Variants in IMMP1L observed in about 807,000 individuals in gnomAD.
IMMP1L encodes mitochondrial inner membrane protease subunit 1.
In IMMP1L, 24 loss-of-function variants were observed where a neutral mutation model predicts 21.8. The observed-to-expected ratio is 1.10, with a 90% CI of 0.80 to 1.55. IMMP1L has a LOEUF of 1.55. IMMP1L is among the 40% of genes most tolerant of loss of function. IMMP1L has a pLI of 0.00. For missense variants in IMMP1L, 195 were observed against 200.7 expected (o/e 0.97, Z 0.17); for synonymous variants, 46 against 62.8 (o/e 0.73, Z 1.26).
chr11:31,457,571 A>T (rs912673381), intron 3 of IMMP1L, among the ~76,000 whole-genome samples: 15 of 152,226 alleles, frequency 9.9e-5, no homozygotes, highest in African/African-American at 3.6e-4. Context: ...GAAATCAGAA[A>T]CCTAATAACT....
intron 1 of IMMP1L, among the ~76,000 whole-genome samples, chr11:31,493,023 C>T (rs1955308324): frequency 6.6e-6 from 1 of 152,096 alleles, no homozygotes; most frequent in Non-Finnish European, 1.5e-5. Flanking sequence ...GCAGGGTTGT[C>T]ACAAATCTTC....
At chr11:31,438,307 C>T (rs1045188920) in intron 4 of IMMP1L, among the ~76,000 whole-genome samples, 1 of 152,148 alleles carries the variant, frequency 6.6e-6, no homozygotes, top group East Asian at 1.9e-4. Flanking sequence ...CTGATGAAAG[C>T]ATTTTTCCAT....
At chr11:31,507,953 C>A (rs1396706410) in intron 1 of IMMP1L, among the ~76,000 whole-genome samples, 1 of 151,556 alleles carries the variant, frequency 6.6e-6, no homozygotes, top group Non-Finnish European at 1.5e-5. Flanking sequence ...TGCCATCTGT[C>A]AAAAAATAAT....
chr11:31,483,013 G>A (rs1048155558), intron 1 of IMMP1L, among the ~76,000 whole-genome samples: 1 of 151,884 alleles, frequency 6.6e-6, no homozygotes, highest in African/African-American at 2.4e-5. Context: ...CAACTATATA[G>A]ATAAATCTTA....
chr11:31,503,867 T>C (rs892617848), intron 1 of IMMP1L, among the ~76,000 whole-genome samples: 1 of 152,218 alleles, frequency 6.6e-6, no homozygotes, highest in Admixed American at 6.5e-5. Context: ...AAAGCCAGCC[T>C]TCTGAAGAAC....
At chr11:31,500,448 G>A (rs1377621729) in intron 1 of IMMP1L, among the ~76,000 whole-genome samples, 1 of 152,060 alleles carries the variant, frequency 6.6e-6, no homozygotes, top group African/African-American at 2.4e-5. Context: ...TAAAATATAT[G>A]CCTGTCTGCC....
chr11:31,480,316 G>T (rs186562735), intron 1 of IMMP1L, among the ~76,000 whole-genome samples: 16 of 152,044 alleles, frequency 1.1e-4, no homozygotes, highest in South Asian at 4.1e-4. Context: ...TTAGTAGGCT[G>T]CTTTTCTATT....
At chr11:31,469,312 T>A (rs531334124) in intron 1 of IMMP1L, among the ~76,000 whole-genome samples, 1 of 152,002 alleles carries the variant, frequency 6.6e-6, no homozygotes, top group South Asian at 2.1e-4. Flanking sequence ...ATTCAGGTAT[T>A]GCACTTAACA....
At chr11:31,504,999 T>C (rs2133838989) in intron 1 of IMMP1L, among the ~76,000 whole-genome samples, 1 of 152,272 alleles carries the variant, frequency 6.6e-6, no homozygotes. Flanking sequence ...ATGACCTTAG[T>C]ATTCATTCCT....
chr11:31,500,476 A>G (rs551756515), intron 1 of IMMP1L, among the ~76,000 whole-genome samples: 5 of 152,204 alleles, frequency 3.3e-5, no homozygotes, highest in Admixed American at 2.6e-4. Flanking sequence ...TCTCCCATTC[A>G]GAAAAAATAG....
chr11:31,459,880 G>A (rs898138665), intron 3 of IMMP1L, among the ~76,000 whole-genome samples: 1 of 152,120 alleles, frequency 6.6e-6, no homozygotes, highest in Admixed American at 6.6e-5. Context: ...AAATGGGCTG[G>A]GCACGGTGGC....
rs202164021 is a variant in IMMP1L at position 31,496,116 on chromosome 11, C to CA, written c.-30+13402dup. Among the ~76,000 whole-genome samples, 670 of 88,432 alleles carry CA rather than the reference C, an allele frequency of 7.6e-3. 3 individuals carry two copies. Among genetic ancestry groups the CA allele is most frequent in the South Asian group, 0.018 (53 of 2,990 alleles). 58.0% of individuals were successfully genotyped at this position (88,432 alleles called of 152,430 possible). The stretch of plus-strand genomic sequence containing the variant: ...AGAACTCCTATAACTCAAAAACCCG[C>CA]AAAAAAAAAAAAAACAAAGCCATTA... On this transcript the variant is annotated intron_variant, in intron 1 of 5. Transcript: ENST00000532287.
At chr11:31,502,504 A>C (rs1459747534) in intron 1 of IMMP1L, among the ~76,000 whole-genome samples, 1 of 152,198 alleles carries the variant, frequency 6.6e-6, no homozygotes, top group Non-Finnish European at 1.5e-5. Flanking sequence ...TTTAGAGAGG[A>C]GCTTCAGGAG....
rs975532926 is a variant in IMMP1L, at chr11:31,433,966, C to T, written c.322-396G>A. On this transcript the variant is annotated intron_variant, in intron 4 of 5. Coordinates refer to ENST00000532287, the MANE Select transcript of IMMP1L (RefSeq NM_001304274.2). ...AGTATAAGCAGGGCAGCCACTCACT[C>T]AGCAACATCCTGGGGCCAATACCAA... 7.9e-5 allele frequency among the ~76,000 whole-genome samples: 12 copies of T among 152,156 alleles called. 1 individual carries two copies. Among genetic ancestry groups the T allele is most frequent in the Admixed American group, 7.9e-4 (12 of 15,280 alleles).
chr11:31,506,658 T>TA (rs775050688), intron 1 of IMMP1L, among the ~76,000 whole-genome samples: 3,833 of 125,204 alleles, frequency 0.031, 64 homozygotes, highest in East Asian at 0.088. Context: ...TTATCTTTGT[T>TA]AAAAAAAAAA....
intron 1 of IMMP1L, among the ~76,000 whole-genome samples, chr11:31,508,343 A>G (rs1955857006): frequency 1.3e-5 from 2 of 152,212 alleles, no homozygotes; most frequent in South Asian, 4.1e-4. Context: ...AGGTGAGACC[A>G]TTTTTATTAC....
chr11:31,486,054 T>A (rs912026139), intron 1 of IMMP1L, among the ~76,000 whole-genome samples: 5 of 151,140 alleles, frequency 3.3e-5, no homozygotes, highest in Non-Finnish European at 5.9e-5. Context: ...AACTTTTTTT[T>A]CCCTTTTTTT....
intron 1 of IMMP1L, among the ~76,000 whole-genome samples, chr11:31,494,115 G>C (rs1955349029): frequency 6.6e-6 from 1 of 152,246 alleles, no homozygotes; most frequent in African/African-American, 2.4e-5. Context: ...ACTCTGTGTG[G>C]GGGCTTCAAC....
chr11:31,503,001 G>A (rs935290081), intron 1 of IMMP1L, among the ~76,000 whole-genome samples: 11 of 151,976 alleles, frequency 7.2e-5, no homozygotes, highest in African/African-American at 2.4e-5. Flanking sequence ...CTATACAATG[G>A]CTTTTTAAGT....
Sources: allele counts gnomAD v4.1 joint callset (sites outside exome capture counted in the v4.1 genomes callset), GRCh38; gene constraint gnomAD v4.1.1; transcripts MANE v1.5; gene names NCBI Gene and HGNC (gene_info 2026-07-23, HGNC 2026-07-21).